LIMCH1: variants seen among roughly 807,000 people sequenced by gnomAD.
LIMCH1 encodes LIM and calponin homology domains 1.
In LIMCH1, 113 loss-of-function variants were observed where a neutral mutation model predicts 176.5. That is an observed-to-expected ratio of 0.64 (90% CI 0.55 to 0.75). The LOEUF is 0.75. LIMCH1 is among the 30% of genes least tolerant of loss of function. The pLI is 0.00. For synonymous variants in LIMCH1, 619 were observed against 645.9 expected (o/e 0.96, Z 0.63); for missense variants, 1,674 against 1,814.9 (o/e 0.92, Z 1.41).
intron 1 of LIMCH1, chr4:41,473,216 G>A (rs1361002589): frequency 3.1e-5 from 30 of 982,100 alleles, no homozygotes; most frequent in Non-Finnish European, 3.5e-5. Flanking sequence ...TTTACTGCAT[G>A]TTCTTTGAGA....
chr4:41,528,605 G>T (rs1313178687), intron 3 of LIMCH1, among the ~76,000 whole-genome samples: 2 of 152,272 alleles, frequency 1.3e-5, no homozygotes, highest in East Asian at 3.9e-4. Context: ...GTCAGGGGTT[G>T]ACAGGCCACT....
chr4:41,501,400 C>T (rs2073241168), intron 2 of LIMCH1, among the ~76,000 whole-genome samples: 1 of 152,170 alleles, frequency 6.6e-6, no homozygotes, highest in African/African-American at 2.4e-5. Flanking sequence ...TATTTGTGAA[C>T]ATGAAGTGGT....
chr4:41,467,782 G>A (rs1167520153), intron 1 of LIMCH1, among the ~76,000 whole-genome samples: 1 of 152,208 alleles, frequency 6.6e-6, no homozygotes, highest in Non-Finnish European at 1.5e-5. Context: ...AGGCCAGTAA[G>A]CATTGCACAT....
At chr4:41,677,523 G>A (rs1711869508) in intron 23 of LIMCH1, among the ~76,000 whole-genome samples, 2 of 152,158 alleles carry the variant, frequency 1.3e-5, no homozygotes, top group Admixed American at 1.3e-4. Flanking sequence ...CCCACTTCAT[G>A]CCAGTTTTAT....
intron 29 of LIMCH1, among the ~76,000 whole-genome samples, 191 bp downstream of exon 29, chr4:41,688,108 T>C (rs1157436969): frequency 1.3e-5 from 2 of 152,184 alleles, no homozygotes; most frequent in Admixed American, 6.5e-5. Context: ...TCAGCTGCAA[T>C]AGAAAAAGTC....
At chr4:41,463,941 C>T (rs905432173) in intron 1 of LIMCH1, among the ~76,000 whole-genome samples, 3 of 152,094 alleles carry the variant, frequency 2.0e-5, no homozygotes, top group African/African-American at 7.2e-5. Context: ...TGATCTCAAA[C>T]TCCAGGGCTC....
chr4:41,620,356 A>C, intron 6 of LIMCH1, 68 bp from the exon 7 acceptor site: 1 of 1,380,074 alleles, frequency 7.2e-7, no homozygotes, highest in Non-Finnish European at 9.7e-7. Flanking sequence ...AATAGCGGGG[A>C]GATGACATGG....
intron 1 of LIMCH1, among the ~76,000 whole-genome samples, chr4:41,402,784 C>A: frequency 7.4e-6 from 1 of 134,374 alleles, no homozygotes; most frequent in Non-Finnish European, 1.5e-5. Context: ...AATGAGAACA[C>A]ATGGACACAG....
intron 3 of LIMCH1, among the ~76,000 whole-genome samples, chr4:41,524,867 A>G (rs1227391750): frequency 2.0e-5 from 3 of 152,206 alleles, no homozygotes. Context: ...TTTAAGAGAA[A>G]ACAGTCGTTT....
chr4:41,588,699 A>C (rs1477477293), intron 1 of LIMCH1, among the ~76,000 whole-genome samples: 1 of 152,220 alleles, frequency 6.6e-6, no homozygotes, highest in Non-Finnish European at 1.5e-5. Context: ...TCAATCCTGA[A>C]TTAAATGAAT....
At chr4:41,367,692 A>AAT in intron 1 of LIMCH1, among the ~76,000 whole-genome samples, 1 of 150,056 alleles carries the variant, frequency 6.7e-6, no homozygotes, top group Non-Finnish European at 1.5e-5. Flanking sequence ...TCCAAAAAAA[A>AAT]AAAAAAAAAA....
intron 1 of LIMCH1, among the ~76,000 whole-genome samples, chr4:41,457,529 C>G (rs1325791460): frequency 6.6e-6 from 1 of 152,044 alleles, no homozygotes; most frequent in Non-Finnish European, 1.5e-5. Flanking sequence ...AGTACTGAAG[C>G]AAGTAGTTTT....
chr4:41,545,219 A>G (rs943766129), intron 1 of LIMCH1, among the ~76,000 whole-genome samples: 1 of 152,216 alleles, frequency 6.6e-6, no homozygotes, highest in Non-Finnish European at 1.5e-5. Context: ...GCTCACCTGA[A>G]AATTTTCCCA....
chr4:41,573,824 A>G (rs2083968630), intron 1 of LIMCH1, among the ~76,000 whole-genome samples: 1 of 152,164 alleles, frequency 6.6e-6, no homozygotes, highest in Non-Finnish European at 1.5e-5. Flanking sequence ...AGGTTGTAAT[A>G]CACACTTTGC....
chr4:41,665,422 C>T (rs1454865017), intron 20 of LIMCH1, among the ~76,000 whole-genome samples: 1 of 152,134 alleles, frequency 6.6e-6, no homozygotes, highest in Non-Finnish European at 1.5e-5. Flanking sequence ...TTGGACACCT[C>T]GTTGACCTCT....
intron 1 of LIMCH1, among the ~76,000 whole-genome samples, chr4:41,553,256 A>G (rs2080777601): frequency 6.6e-6 from 1 of 152,174 alleles, no homozygotes; most frequent in South Asian, 2.1e-4. Context: ...CCTTTGAGGA[A>G]CTATTTAGTA....
At position 41,671,501 on chromosome 4, in the gene LIMCH1, T is replaced by G. The variant is rs1247606312; in HGVS notation, c.3398-53T>G. The G allele has an allele frequency of 4.8e-6, 7 of 1,466,406 alleles. No individual in the cohort carries two copies. The Admixed American group carries it at 1.2e-4, about 25-fold the overall frequency. The allele number at this position is 1,466,406 out of a possible 1,614,324, so 90.8% of individuals were successfully genotyped here. A position where few individuals can be genotyped will look rare whatever the true frequency, so the allele number is the denominator to read the frequency against. ...ACTGATAGGTCAAAAACAAAGACAA[T>G]TAGAAAATACTCACATTCATATCTT... On this transcript the variant is annotated intron_variant, in intron 21 of 31. Coordinates refer to ENST00000503057, the MANE Select transcript of LIMCH1 (RefSeq NM_001330672.2).
At chr4:41,537,540 A>T (rs756133475), upstream of LIMCH1, among the ~76,000 whole-genome samples, 4 of 152,218 alleles carry the variant, frequency 2.6e-5, no homozygotes, top group Non-Finnish European at 4.4e-5. Context: ...AGGCACAAAG[A>T]TTGAATGCCT....
chr4:41,388,895 G>A (rs981818688), intron 1 of LIMCH1, among the ~76,000 whole-genome samples: 3 of 152,082 alleles, frequency 2.0e-5, no homozygotes, highest in Admixed American at 6.5e-5. Context: ...CACCCGCCTC[G>A]GCCTCCCAAA....
Sources: allele counts gnomAD v4.1 joint callset (sites outside exome capture counted in the v4.1 genomes callset), GRCh38; gene constraint gnomAD v4.1.1; transcripts MANE v1.5; gene names NCBI Gene and HGNC (gene_info 2026-07-23, HGNC 2026-07-21).